The following ZNF331 variants were observed in gnomAD, a reference collection of about 807,000 sequenced individuals.
ZNF331 encodes the protein zinc finger protein 331, also known as C2H2-like zinc finger protein rearranged in thyroid adenomas.
ZNF331 carries 2 observed loss-of-function variants against 7.0 expected under a neutral mutation model. That is an observed-to-expected ratio of 0.29 (90% confidence interval 0.12 to 0.90). ZNF331 has a LOEUF of 0.90. Ranked by LOEUF, ZNF331 falls within the 40% of genes least tolerant of loss-of-function variation. The pLI, the probability that ZNF331 is intolerant of heterozygous loss-of-function variation, is 0.58. For synonymous variants in ZNF331, 196 were observed against 205.4 expected, an observed-to-expected ratio of 0.95 and a Z score of 0.39; for missense variants, 432 against 587.7, an observed-to-expected ratio of 0.74 and a Z score of 2.74.
upstream of ZNF331, among the ~76,000 whole-genome samples, chr19:53,533,607 G>C (rs56110542): frequency 0.024 from 3,666 of 152,086 alleles, 159 homozygotes; most frequent in African/African-American, 0.083. Flanking sequence ...TTCAATTATT[G>C]TATTGCAGTC....
intron 4 of ZNF331, among the ~76,000 whole-genome samples, chr19:53,570,217 C>G (rs1212339022): frequency 6.8e-6 from 1 of 148,112 alleles, no homozygotes; most frequent in Non-Finnish European, 1.5e-5. Flanking sequence ...GATCATGCCA[C>G]TGCACTCCAG....
chr19:53,519,782 C>T (rs958346047), upstream of ZNF331, among the ~76,000 whole-genome samples: 5 of 152,116 alleles, frequency 3.3e-5, no homozygotes, highest in Non-Finnish European at 5.9e-5. Context: ...AGGTCACTCC[C>T]GTGGAACCTA....
chr19:53,546,377 C>T (rs1313574132), intron 2 of ZNF331, among the ~76,000 whole-genome samples: 1 of 151,932 alleles, frequency 6.6e-6, no homozygotes, highest in Non-Finnish European at 1.5e-5. Flanking sequence ...CCCAGTAATT[C>T]CTCCCCAGGG....
chr19:53,506,454 C>CTCTCTCTG, the ZNF331 span, among the ~76,000 whole-genome samples: 1 of 100,750 alleles, frequency 9.9e-6, no homozygotes, highest in African/African-American at 4.1e-5. Context: ...GTCTCTCTCT[C>CTCTCTCTG]TCTCTCTCTC....
rs1329766310 is a variant in ZNF331, at chr19:53,558,225, A to G, written c.-74+2317A>G. 6.6e-6 allele frequency among the ~76,000 whole-genome samples: 1 copy of G among 152,108 alleles called. No individual in the cohort carries two copies. The highest frequency in any genetic ancestry group is 1.5e-5 in the Non-Finnish European group (1 of 68,012). ...TATTTGATTGACTCAGAATTCAGGGAAACACATATACCAGTTTATTACAAA... is the reference window on the plus strand; with the variant it reads ...TATTTGATTGACTCAGAATTCAGGGGAACACATATACCAGTTTATTACAAA... On this transcript the variant is annotated intron_variant, in intron 3 of 5. Transcript: ENST00000449416. This position sits in a 1 kb window ranked among gnomAD's most constrained non-coding sequence, Gnocchi z 4.5.
intron 2 of ZNF331, among the ~76,000 whole-genome samples, chr19:53,530,024 G>A (rs2087470152): frequency 6.6e-6 from 1 of 152,256 alleles, no homozygotes; most frequent in East Asian, 1.9e-4. Context: ...AGGCTGAAAA[G>A]GAAGCATGGT....
rs376833978 is a variant in ZNF331 at position 53,551,080 on chromosome 19, C to A, written c.-137-4765C>A. ...ACTCCTGACTTCGTGATCCACCCAC[C>A]TTGGCCTCCCAAAGTGCTGGGATTA... On this transcript the variant is annotated intron_variant, in intron 2 of 5. Coordinates refer to ENST00000449416, the MANE Select transcript of ZNF331 (RefSeq NM_001079906.2). Among the ~76,000 whole-genome samples the A allele has an allele frequency of 1.1e-4, 16 of 152,164 alleles. No individual in the cohort carries two copies. In the East Asian group the frequency reaches 3.1e-3, roughly 30 times the overall value.
Position 53,579,503 on chromosome 19 carries a change from G to A in ZNF331, c.*1551G>A, listed in dbSNP as rs1381297819. The A allele has an allele frequency of 2.9e-5, 6 of 207,634 alleles. No homozygotes were observed. The highest frequency in any genetic ancestry group is 7.3e-5 in the East Asian group (1 of 13,750). The allele number at this position is 207,634 out of a possible 1,614,324, so 12.9% of individuals were successfully genotyped here. On this transcript the variant is annotated 3_prime_UTR_variant, in exon 6 of 6. Coordinates refer to ENST00000449416, the MANE Select transcript of ZNF331 (RefSeq NM_001079906.2). ...CATGGAAATTAAATGTTTGGTACAT[G>A]TAAAGTCTTTGAAAGTGTAACTGGA...
the ZNF331 span, chr19:53,511,815 T>A: frequency 6.6e-6 from 1 of 152,212 alleles, no homozygotes; most frequent in Non-Finnish European, 1.5e-5. Context: ...TTGCTGTGAT[T>A]CTACAGAAAT....
At chr19:53,572,557 TACAC>T (rs150161554) in intron 5 of ZNF331, among the ~76,000 whole-genome samples, 3 of 92,768 alleles carry the variant, frequency 3.2e-5, no homozygotes, top group Non-Finnish European at 6.9e-5. Flanking sequence ...ATATTATATA[TACAC>T]ACACATATAT....
intron 3 of ZNF331, among the ~76,000 whole-genome samples, chr19:53,565,987 C>T (rs572988309): frequency 1.2e-4 from 18 of 152,296 alleles, no homozygotes; most frequent in Non-Finnish European, 5.9e-5. Flanking sequence ...CTCAAGATCA[C>T]GGGGTGTGTC....
Position 53,577,073 on chromosome 19 carries a change from C to T in ZNF331, c.513C>T (p.Gly171=). ...CKECKKAFRW[G]NQLTQHQKIH... is the part of the protein sequence containing the mutation. ...AATGTAAGAAGGCCTTCCGTTGGGG[C>T]AATCAGCTTACTCAACATCAAAAAA... is the stretch of plus-strand genomic sequence containing the variant. Residue 171 remains glycine (G), a synonymous_variant, in exon 6 of 6, where the codon GGC becomes GGT. Transcript: ENST00000449416. 6.2e-7 allele frequency: 1 copy of T among 1,613,908 alleles called. No individual in the cohort carries two copies. Among genetic ancestry groups the T allele is most frequent in the East Asian group, 2.2e-5 (1 of 44,862 alleles).
At chr19:53,525,029 C>A (rs899856084) in intron 2 of ZNF331, among the ~76,000 whole-genome samples, 1 of 152,188 alleles carries the variant, frequency 6.6e-6, no homozygotes, top group Admixed American at 6.5e-5. Flanking sequence ...GGAATCCTTT[C>A]CCCATTTCTT....
intron 2 of ZNF331, among the ~76,000 whole-genome samples, chr19:53,541,303 C>T (rs2088159908): frequency 6.6e-6 from 1 of 151,874 alleles, no homozygotes; most frequent in African/African-American, 2.4e-5. Flanking sequence ...CGGGGTTTCT[C>T]TTTTGTTGGT....
rs1387668114 is a variant in ZNF331 at position 53,558,723 on chromosome 19, A to T, written c.-74+2815A>T. Reference sequence around the variant, plus strand: ...TTCCCGAGGCCTGCTTCTGAGGCTGAAAGTGCCCTAATATTAAGATTTTAC... The same window carrying T: ...TTCCCGAGGCCTGCTTCTGAGGCTGTAAGTGCCCTAATATTAAGATTTTAC... On this transcript the variant is annotated intron_variant, in intron 3 of 5. Coordinates refer to ENST00000449416, the MANE Select transcript of ZNF331 (RefSeq NM_001079906.2). The surrounding 1 kb of genome is among the most constrained non-coding windows in gnomAD (Gnocchi z 4.5). Among the ~76,000 whole-genome samples, 1 of 151,888 alleles carries T rather than the reference A, an allele frequency of 6.6e-6. No individual in the cohort carries two copies. The highest frequency in any genetic ancestry group is 1.5e-5 in the Non-Finnish European group (1 of 67,958).
chr19:53,572,315 AG>A (rs1181464912), intron 5 of ZNF331, among the ~76,000 whole-genome samples: 6 of 151,970 alleles, frequency 3.9e-5, no homozygotes, highest in Non-Finnish European at 8.8e-5. Flanking sequence ...TTTTTCTTCT[AG>A]CAAAAATAAC....
chr19:53,575,797 C>T (rs2147708556), intron 5 of ZNF331, among the ~76,000 whole-genome samples: 1 of 152,174 alleles, frequency 6.6e-6, no homozygotes, highest in South Asian at 2.1e-4. Context: ...GATTCTCCTG[C>T]CTCAGCCTCC....
At chr19:53,559,055 A>G (rs1338193913) in intron 3 of ZNF331, among the ~76,000 whole-genome samples, 2 of 151,534 alleles carry the variant, frequency 1.3e-5, no homozygotes, top group African/African-American at 4.9e-5. Flanking sequence ...CCATACATAT[A>G]CAAACACACC....
intron 3 of ZNF331, among the ~76,000 whole-genome samples, chr19:53,562,676 G>A (rs946962212): frequency 3.3e-5 from 5 of 149,604 alleles, no homozygotes; most frequent in African/African-American, 1.2e-4. Flanking sequence ...GGCAACAAGA[G>A]CAAAATCCCA....
Sources: allele counts gnomAD v4.1 joint callset (sites outside exome capture counted in the v4.1 genomes callset), GRCh38; gene constraint gnomAD v4.1.1; non-coding constraint Gnocchi (gnomAD v3.1); transcripts MANE v1.5; gene names NCBI Gene and HGNC (gene_info 2026-07-23, HGNC 2026-07-21).